C3orf20: variants seen among roughly 807,000 people sequenced by gnomAD.
C3orf20 encodes family with sequence similarity 149 member C.
Under a neutral mutation model 88.3 loss-of-function variants are expected in C3orf20, and 76 were observed. The observed-to-expected ratio is 0.86, with a 90% confidence interval of 0.72 to 1.04. The LOEUF (loss-of-function observed/expected upper bound fraction) is 1.04. Ranked by LOEUF, C3orf20 falls within the 50% of genes least tolerant of loss-of-function variation. The probability of loss-of-function intolerance (pLI) is 0.00; values close to 1 mark genes in which losing one functional copy is unlikely to be tolerated. For missense variants in C3orf20, 1,056 were observed against 1,123.3 expected (o/e 0.94, Z 0.86); for synonymous variants, 436 against 437.4 (o/e 1.00, Z 0.04).
At chr3:14,767,268 G>T (rs1263683899) in intron 15 of C3orf20, 1 of 152,276 alleles carries the variant, frequency 6.6e-6, no homozygotes, top group Non-Finnish European at 1.5e-5. Context: ...GGGGAGAGGA[G>T]AGTGAAGCCT....
chr3:14,696,598 G>A (rs879789010), intron 5 of C3orf20, among the ~76,000 whole-genome samples: 7 of 151,806 alleles, frequency 4.6e-5, no homozygotes, highest in South Asian at 2.1e-4. Context: ...GGCTGATCTC[G>A]AACTCCTGAC....
chr3:14,722,614 G>A lies in C3orf20; in HGVS notation c.1566+830G>A, dbSNP rs771835534. Reference sequence around the variant, plus strand: ...GCTCAGCCCCCCTGGCCGTGACAACGTCCATTCTAGACTGCTTTCGTTTCA... The same window carrying A: ...GCTCAGCCCCCCTGGCCGTGACAACATCCATTCTAGACTGCTTTCGTTTCA... On this transcript the variant is annotated intron_variant, in intron 10 of 16. Coordinates refer to ENST00000253697, the MANE Select transcript of C3orf20 (RefSeq NM_032137.5). 18 of 456,574 alleles carry A rather than the reference G, an allele frequency of 3.9e-5. No homozygotes were observed. The East Asian group carries it at 4.2e-4, about 11-fold the overall frequency. The allele number at this position is 456,574 out of a possible 1,614,324, so 28.3% of individuals were successfully genotyped here. A position where few individuals can be genotyped will look rare whatever the true frequency, so the allele number is the denominator to read the frequency against.
intron 15 of C3orf20, among the ~76,000 whole-genome samples, chr3:14,761,875 G>A (rs534952096): frequency 6.6e-6 from 1 of 152,138 alleles, no homozygotes; most frequent in Non-Finnish European, 1.5e-5. Flanking sequence ...GCCATGTTGT[G>A]GGTTTCTTTG....
At chr3:14,745,286 G>A (rs2035028338) in intron 12 of C3orf20, among the ~76,000 whole-genome samples, 1 of 152,176 alleles carries the variant, frequency 6.6e-6, no homozygotes, top group African/African-American at 2.4e-5. Flanking sequence ...GAACTAGGGA[G>A]GTGGCTCTCC....
At chr3:14,697,714 C>T (rs868845346) in intron 5 of C3orf20, among the ~76,000 whole-genome samples, 9 of 133,114 alleles carry the variant, frequency 6.8e-5, no homozygotes, top group East Asian at 2.4e-4. Context: ...CCCCAACCCC[C>T]CTGCTGCCAA....
At chr3:14,713,764 A>C (rs1345612311) in intron 7 of C3orf20, among the ~76,000 whole-genome samples, 1 of 152,218 alleles carries the variant, frequency 6.6e-6, no homozygotes, top group Non-Finnish European at 1.5e-5. Flanking sequence ...CTGTGAGAGG[A>C]AGATAATACT....
chr3:14,724,912 G>A (rs2034295495), intron 10 of C3orf20, among the ~76,000 whole-genome samples: 1 of 152,130 alleles, frequency 6.6e-6, no homozygotes, highest in Non-Finnish European at 1.5e-5. Context: ...AAATGACACA[G>A]TAAATCAAAG....
chr3:14,737,113 A>G (rs968488986), intron 12 of C3orf20, among the ~76,000 whole-genome samples: 1 of 151,766 alleles, frequency 6.6e-6, no homozygotes, highest in African/African-American at 2.4e-5. Context: ...TGTAATTTTC[A>G]TTGTACTTAT....
chr3:14,737,412 A>G (rs78375610), intron 12 of C3orf20, among the ~76,000 whole-genome samples: 1 of 152,248 alleles, frequency 6.6e-6, no homozygotes, highest in Non-Finnish European at 1.5e-5. Context: ...CAATAAAGCA[A>G]ATCACACAAA....
chr3:14,707,683 A>G (rs2033572559), intron 7 of C3orf20, among the ~76,000 whole-genome samples: 1 of 152,104 alleles, frequency 6.6e-6, no homozygotes, highest in South Asian at 2.1e-4. Flanking sequence ...CAGTAGCATC[A>G]TTTAATGCAC....
chr3:14,696,610 T>C (rs2033015287), intron 5 of C3orf20, among the ~76,000 whole-genome samples: 3 of 151,888 alleles, frequency 2.0e-5, no homozygotes, highest in Admixed American at 2.0e-4. Context: ...ACTCCTGACC[T>C]CAAGTGATCT....
At chr3:14,745,796 G>A (rs1008822643) in intron 12 of C3orf20, among the ~76,000 whole-genome samples, 3 of 152,228 alleles carry the variant, frequency 2.0e-5, no homozygotes, top group African/African-American at 7.2e-5. Context: ...GTGAAGTGGA[G>A]CTTCTTTACA....
chr3:14,731,326 C>T (rs1438776735), intron 12 of C3orf20, among the ~76,000 whole-genome samples: 1 of 152,184 alleles, frequency 6.6e-6, no homozygotes, highest in African/African-American at 2.4e-5. Flanking sequence ...CAGTTCATTT[C>T]TTTTTATTAC....
At chr3:14,742,397 G>A (rs1407563304) in intron 12 of C3orf20, among the ~76,000 whole-genome samples, 3 of 152,184 alleles carry the variant, frequency 2.0e-5, no homozygotes, top group Admixed American at 2.0e-4. Flanking sequence ...GGTACATTGG[G>A]ATGTATGTGA....
intron 1 of C3orf20, among the ~76,000 whole-genome samples, chr3:14,679,462 G>A (rs2031962868): frequency 2.0e-5 from 3 of 152,228 alleles, no homozygotes; most frequent in Admixed American, 2.0e-4. Flanking sequence ...AAAGCCTGGA[G>A]GTGGATGGTT....
intron 12 of C3orf20, among the ~76,000 whole-genome samples, chr3:14,756,798 A>G (rs1345848328): frequency 1.3e-5 from 2 of 152,228 alleles, no homozygotes; most frequent in African/African-American, 4.8e-5. Context: ...CTTGAAGCAC[A>G]TGGCAGGGAC....
intron 14 of C3orf20, 111 bp from the exon 15 acceptor site, chr3:14,761,362 T>G: frequency 7.7e-7 from 1 of 1,300,108 alleles, no homozygotes; most frequent in Non-Finnish European, 1.1e-6. Flanking sequence ...GCGTAAGCTC[T>G]GAGAGGCCTG....
intron 1 of C3orf20, among the ~76,000 whole-genome samples, chr3:14,677,815 T>G (rs1575080281): frequency 6.6e-6 from 1 of 152,282 alleles, no homozygotes. Context: ...CATCCTTTTT[T>G]GATCGTAGGC....
At chr3:14,769,751 G>A (rs6807349) in intron 15 of C3orf20, among the ~76,000 whole-genome samples, 36,024 of 152,058 alleles carry the variant, frequency 0.24, 7,857 homozygotes, top group African/African-American at 0.58. Context: ...GGTGGGGCGC[G>A]GGGTAGGGGC....
Sources: gnomAD v4.1 joint callset for allele counts (sites outside exome capture counted in the v4.1 genomes callset) on GRCh38, gnomAD v4.1.1 for gene constraint, MANE v1.5 for transcripts, NCBI Gene and HGNC (gene_info 2026-07-23, HGNC 2026-07-21) for gene names.